MMP11: variants seen among roughly 807,000 people sequenced by gnomAD.
The protein encoded by MMP11 is matrix metallopeptidase 11.
Under a neutral mutation model 49.5 loss-of-function variants are expected in MMP11, and 26 were observed. The ratio of observed to expected loss-of-function variants is 0.52; its 90% CI spans 0.38 to 0.73. MMP11 has a LOEUF of 0.73. Ranked by LOEUF, MMP11 falls within the 30% of genes least tolerant of loss-of-function variation. The pLI is 0.00. For missense variants in MMP11, 624 were observed against 671.2 expected, an observed-to-expected ratio of 0.93 and a Z score of 0.78; for synonymous variants, 265 against 282.3, an observed-to-expected ratio of 0.94 and a Z score of 0.62.
Position 23,776,200 on chromosome 22 carries a change from C to T in MMP11, c.109-2987C>T, listed in dbSNP as rs368715035. On this transcript the variant is annotated intron_variant, in intron 1 of 7. Transcript: ENST00000215743. ...GTCTGCACCAGGACTCACTAGAGGGCAGAGGAGAGAAGAGATTTCTGACCA... is the reference window on the plus strand; with the variant it reads ...GTCTGCACCAGGACTCACTAGAGGGTAGAGGAGAGAAGAGATTTCTGACCA... 4.0e-5 allele frequency among the ~76,000 whole-genome samples: 6 copies of T among 149,520 alleles called. No homozygotes were observed. The East Asian group carries it at 1.2e-3, about 29-fold the overall frequency.
At position 23,780,669 on chromosome 22, in the gene MMP11, T is replaced by G; in HGVS notation, c.570T>G (p.Asp190Glu). The change falls in exon 4 of 8, where the codon GAT becomes GAG. Residue 190 changes from aspartate to glutamate, a missense_variant. By Grantham distance (45) the Asp-to-Glu change is conservative (BLOSUM62 2). Coordinates refer to ENST00000215743, the MANE Select transcript of MMP11 (RefSeq NM_005940.5). This position sits in a 1 kb window ranked among gnomAD's most constrained non-coding sequence, Gnocchi z 4.6. ...TCCCCAAGACTCACCGAGAAGGGGA[T>G]GTCCACTTCGACTATGATGAGACCT... is the stretch of plus-strand genomic sequence containing the variant. ...AFFPKTHREG[D>E]VHFDYDETWT... 1 of 1,577,292 alleles carries G rather than the reference T, an allele frequency of 6.3e-7. No homozygotes were observed. The highest frequency in any genetic ancestry group is 1.2e-5 in the South Asian group (1 of 86,036).
rs150900545 is a variant in MMP11 at position 23,782,459 on chromosome 22, G to A, written c.1309G>A (p.Asp437Asn). Residue 437 changes from aspartate (D) to asparagine (N), a missense_variant, in exon 7 of 8, where the codon GAC (aspartate) becomes AAC (asparagine). By Grantham distance (23) the Asp-to-Asn change is conservative (BLOSUM62 1). Transcript: ENST00000215743. ...TDWRGVPSEI[D>N]AAFQDADGYA... ...CTGGAGAGGGGTGCCCTCTGAGATCGACGCTGCCTTCCAGGATGCTGATGG... is the reference window on the plus strand; with the variant it reads ...CTGGAGAGGGGTGCCCTCTGAGATCAACGCTGCCTTCCAGGATGCTGATGG... The A allele has an allele frequency of 2.5e-5, 40 of 1,611,850 alleles. No individual in the cohort carries two copies. Among genetic ancestry groups the A allele is most frequent in the Non-Finnish European group, 3.1e-5 (36 of 1,179,238 alleles).
chr22:23,783,281 CG>C lies in MMP11; in HGVS notation c.1334-129del. 5 of 1,112,110 alleles carry C rather than the reference CG, an allele frequency of 4.5e-6. No individual in the cohort carries two copies. The African/African-American group carries it at 7.8e-5, about 17-fold the overall frequency. 68.9% of individuals were successfully genotyped at this position (1,112,110 alleles called of 1,614,324 possible). Reference sequence around the variant, plus strand: ...GGCCGGCCCTGGATCCTGCAGGACTCGAGGAACTCAGCAGTGGCCAAGGGCT... The same window carrying C: ...GGCCGGCCCTGGATCCTGCAGGACTCAGGAACTCAGCAGTGGCCAAGGGCT... On this transcript the variant is annotated intron_variant, in intron 7 of 7. Transcript: ENST00000215743.
chr22:23,781,607 A>G (rs1163245023), intron 6 of MMP11, 198 bp downstream of exon 6: 4 of 631,438 alleles, frequency 6.3e-6, no homozygotes, highest in African/African-American at 1.8e-5. Context: ...CTCTTGAGAT[A>G]GGAGCAGCGT....
chr22:23,779,423 G>A lies in MMP11; in HGVS notation c.338+7G>A, dbSNP rs1437501333. On this transcript the variant is annotated splice_region_variant and intron_variant, in intron 2 of 7. Coordinates refer to ENST00000215743, the MANE Select transcript of MMP11 (RefSeq NM_005940.5). ...AGACGGACCTCACCTACAGGTAGGG[G>A]CCTGGGAGCAGGACACTAGGATGCC... 1 of 1,606,162 alleles carries A rather than the reference G, an allele frequency of 6.2e-7. No homozygotes were observed. Among genetic ancestry groups the A allele is most frequent in the Admixed American group, 1.7e-5 (1 of 59,224 alleles).
chr22:23,778,911 C>T lies in MMP11; in HGVS notation c.109-276C>T, dbSNP rs181076511. On this transcript the variant is annotated intron_variant, in intron 1 of 7. Coordinates refer to ENST00000215743, the MANE Select transcript of MMP11 (RefSeq NM_005940.5). The stretch of plus-strand genomic sequence containing the variant: ...GTCCCAGTGTGCCCCCACCCCCAGA[C>T]CTCATTGGCCTAAGTAGCTGGAGTA... Among the ~76,000 whole-genome samples the T allele has an allele frequency of 1.5e-3, 232 of 152,242 alleles. 1 individual carries two copies. Among genetic ancestry groups the T allele is most frequent in the Non-Finnish European group, 2.0e-3 (133 of 68,002 alleles).
chr22:23,774,486 G>C (rs571185202), intron 1 of MMP11, among the ~76,000 whole-genome samples: 1 of 152,298 alleles, frequency 6.6e-6, no homozygotes, highest in African/African-American at 2.4e-5. Flanking sequence ...CCAGTTCCCA[G>C]CTTTCAGGGT....
chr22:23,774,621 C>G (rs1231894880), intron 1 of MMP11, among the ~76,000 whole-genome samples: 1 of 152,106 alleles, frequency 6.6e-6, no homozygotes, highest in Non-Finnish European at 1.5e-5. Flanking sequence ...TGCTTGCCAC[C>G]TGGCTGTGTG....
chr22:23,783,348 C>G (rs1421242888), intron 7 of MMP11, 63 bp from the exon 8 acceptor site: 1 of 1,597,712 alleles, frequency 6.3e-7, no homozygotes, highest in African/African-American at 1.3e-5. Context: ...CTGGGCACAG[C>G]CTGACAGGCA....
At position 23,780,952 on chromosome 22, in the gene MMP11, A is replaced by G; in HGVS notation, c.710A>G (p.Tyr237Cys). The change falls in exon 5 of 8, where the codon TAC (tyrosine) becomes TGC (cysteine). Residue 237 changes from tyrosine (Y) to cysteine (C), a missense_variant. Transcript: ENST00000215743. The surrounding 1 kb of genome is among the most constrained non-coding windows in gnomAD (Gnocchi z 4.6). ...TAAKALMSAFYTFRYPLSLSP... is the reference protein window; with the variant it reads ...TAAKALMSAFCTFRYPLSLSP... The stretch of plus-strand genomic sequence containing the variant: ...GCCAAGGCCCTGATGTCCGCCTTCT[A>G]CACCTTTCGCTACCCACTGAGTCTC... 6.2e-7 allele frequency: 1 copy of G among 1,613,844 alleles called. No homozygotes were observed.
chr22:23,783,285 G>A, intron 7 of MMP11, 126 bp from the exon 8 acceptor site: 3 of 1,154,652 alleles, frequency 2.6e-6, no homozygotes, highest in Non-Finnish European at 3.7e-6. Flanking sequence ...AGGACTCGAG[G>A]AACTCAGCAG....
Position 23,783,392 on chromosome 22 carries a change from G to T in MMP11, c.1334-19G>T. Reference sequence around the variant, plus strand: ...GCCCAGTGTCCGCTCGCCCAGGCTTGACCACCTTCTCTTCTCAGGCTATGC... The same window carrying T: ...GCCCAGTGTCCGCTCGCCCAGGCTTTACCACCTTCTCTTCTCAGGCTATGC... On this transcript the variant is annotated intron_variant, in intron 7 of 7. Transcript: ENST00000215743. The T allele has an allele frequency of 6.2e-7, 1 of 1,613,412 alleles. No homozygotes were observed.
intron 1 of MMP11, among the ~76,000 whole-genome samples, chr22:23,773,242 C>G (rs1927298230): frequency 6.6e-6 from 1 of 152,190 alleles, no homozygotes; most frequent in South Asian, 2.1e-4. Flanking sequence ...GCGTGGGGAC[C>G]TGCCTCTCGC....
In MMP11 at chr22:23,780,905, G is replaced by A. The variant is rs150356250; in HGVS notation, c.663G>A (p.Leu221=). The A allele has an allele frequency of 1.5e-5, 24 of 1,613,808 alleles. No individual in the cohort carries two copies. The highest frequency in any genetic ancestry group is 2.0e-5 in the Non-Finnish European group (24 of 1,180,010). The part of the protein sequence containing the change: ...QVAAHEFGHV[L]GLQHTTAAKA... Reference sequence around the variant, plus strand: ...CAGCCCATGAATTTGGCCACGTGCTGGGGCTGCAGCACACAACAGCAGCCA... The same window carrying A: ...CAGCCCATGAATTTGGCCACGTGCTAGGGCTGCAGCACACAACAGCAGCCA... Residue 221 remains leucine (L), a synonymous_variant, in exon 5 of 8, where the codon CTG becomes CTA. Transcript: ENST00000215743. The surrounding 1 kb of genome is among the most constrained non-coding windows in gnomAD (Gnocchi z 4.6).
In MMP11 at chr22:23,780,543, C is replaced by T; in HGVS notation, c.483-39C>T. ...GGGACCCCTCCGGGAACAGCCTCGCCTGCCAGCAGCCACTGACCCCGCCCC... is the reference window on the plus strand; with the variant it reads ...GGGACCCCTCCGGGAACAGCCTCGCTTGCCAGCAGCCACTGACCCCGCCCC... On this transcript the variant is annotated intron_variant, in intron 3 of 7. Coordinates refer to ENST00000215743, the MANE Select transcript of MMP11 (RefSeq NM_005940.5). The surrounding 1 kb of genome is among the most constrained non-coding windows in gnomAD (Gnocchi z 4.6). 1 of 1,612,276 alleles carries T rather than the reference C, an allele frequency of 6.2e-7. No homozygotes were observed. The highest frequency in any genetic ancestry group is 1.3e-5 in the African/African-American group (1 of 75,060).
intron 6 of MMP11, 67 bp from the exon 7 acceptor site, chr22:23,782,159 A>G: frequency 1.9e-6 from 3 of 1,570,594 alleles, no homozygotes; most frequent in Non-Finnish European, 2.6e-6. Flanking sequence ...GGGGTCAAGC[A>G]GGTCCACAGT....
intron 1 of MMP11, among the ~76,000 whole-genome samples, chr22:23,776,233 A>AG (rs28363633): frequency 0.92 from 139,793 of 152,264 alleles, 64,327 homozygotes; most frequent in Middle Eastern, 0.97. Context: ...CCATGGGCAT[A>AG]GCAGGGCTGG....
At chr22:23,776,965 G>A (rs1406814772) in intron 1 of MMP11, among the ~76,000 whole-genome samples, 1 of 151,518 alleles carries the variant, frequency 6.6e-6, no homozygotes, top group African/African-American at 2.4e-5. Context: ...CCGCCACCAC[G>A]CCTGGCTAAT....
rs143231653 is a variant in MMP11, at chr22:23,780,498, G to A, written c.478G>A (p.Ala160Thr). 10 of 1,613,804 alleles carry A rather than the reference G, an allele frequency of 6.2e-6. No homozygotes were observed. The highest frequency in any genetic ancestry group is 1.6e-4 in the Middle Eastern group (1 of 6,062). ...CCGTGCTGACATCATGATCGACTTC[G>A]CCAGGTGAATGGGCGGCCTGGGACC... The part of the protein sequence containing the change: ...EGRADIMIDF[A>T]RYWHGDDLPF... Residue 160 changes from alanine (A) to threonine (T), a missense_variant, in exon 3 of 8, where the codon GCC (alanine) becomes ACC (threonine). Transcript: ENST00000215743. This position sits in a 1 kb window ranked among gnomAD's most constrained non-coding sequence, Gnocchi z 4.6.
Sources: gnomAD v4.1 joint callset for allele counts (sites outside exome capture counted in the v4.1 genomes callset) on GRCh38, gnomAD v4.1.1 for gene constraint, Gnocchi (gnomAD v3.1) non-coding constraint, MANE v1.5 for transcripts, NCBI Gene and HGNC (gene_info 2026-07-23, HGNC 2026-07-21) for gene names.